SVOP: variants seen among roughly 807,000 people sequenced by gnomAD.
SVOP encodes the protein synaptic vesicle 2-related protein.
A neutral mutation model predicts 69.1 loss-of-function variants in SVOP; 17 were observed. That is an observed-to-expected ratio of 0.25 (90% CI 0.17 to 0.37). SVOP has a LOEUF of 0.37. SVOP is among the 10% of genes least tolerant of loss of function. SVOP has a pLI of 1.00. For synonymous variants in SVOP, 238 were observed against 238.6 expected (o/e 1.00, Z 0.02); for missense variants, 435 against 597.5 (o/e 0.73, Z 2.84).
At chr12:108,916,984 C>T (rs954814977) in intron 14 of SVOP, among the ~76,000 whole-genome samples, 3 of 152,168 alleles carry the variant, frequency 2.0e-5, no homozygotes, top group African/African-American at 4.8e-5. Context: ...TGAGCTCAAG[C>T]GATCCACCTG....
intron 11 of SVOP, among the ~76,000 whole-genome samples, chr12:108,930,456 T>A (rs1479472354): frequency 2.2e-4 from 21 of 95,720 alleles, no homozygotes; most frequent in African/African-American, 7.0e-4. Flanking sequence ...TTTTTTTTTT[T>A]AGAGAGAATC....
At chr12:108,973,656 C>T (rs1273540915) in intron 4 of SVOP, among the ~76,000 whole-genome samples, 2 of 152,200 alleles carry the variant, frequency 1.3e-5, no homozygotes, top group East Asian at 3.8e-4. Context: ...ACATCAGCCT[C>T]CCACAGTGCT....
intron 1 of SVOP, 71 bp downstream of exon 1, chr12:109,020,763 C>CCCG (rs1555254153): frequency 1.0e-5 from 4 of 392,448 alleles, no homozygotes; most frequent in Admixed American, 3.1e-5. Flanking sequence ...TACCCCCCCC[C>CCCG]ACCCCCCTTG....
chr12:108,943,259 T>C (rs985308737), intron 7 of SVOP, among the ~76,000 whole-genome samples: 5 of 151,974 alleles, frequency 3.3e-5, no homozygotes, highest in African/African-American at 1.2e-4. Flanking sequence ...CAATCAGAAG[T>C]GACAGAAAAA....
intron 12 of SVOP, among the ~76,000 whole-genome samples, chr12:108,921,455 G>T (rs1410368576): frequency 9.2e-5 from 14 of 152,140 alleles, no homozygotes; most frequent in Admixed American, 7.9e-4. Flanking sequence ...GAGTGGGGAA[G>T]TAAATTTGGG....
chr12:108,932,901 T>C (rs942107570), intron 11 of SVOP, among the ~76,000 whole-genome samples: 2 of 152,018 alleles, frequency 1.3e-5, no homozygotes, highest in Non-Finnish European at 2.9e-5. Context: ...GTTTTTGAAA[T>C]GGAATCTCAC....
intron 1 of SVOP, 76 bp downstream of exon 1, chr12:109,020,758 C>CCCCT: frequency 3.4e-6 from 1 of 293,768 alleles, no homozygotes. Context: ...AGATGTACCC[C>CCCCT]CCCCCACCCC....
chr12:108,943,233 C>T (rs145232642), intron 7 of SVOP, among the ~76,000 whole-genome samples: 14 of 152,104 alleles, frequency 9.2e-5, no homozygotes, highest in East Asian at 5.8e-4. Flanking sequence ...GAATCACAGT[C>T]GATTTCTGTT....
intron 1 of SVOP, among the ~76,000 whole-genome samples, chr12:109,016,396 G>A (rs1458138947): frequency 2.0e-5 from 3 of 152,202 alleles, no homozygotes; most frequent in Admixed American, 6.5e-5. Flanking sequence ...GACAGGGTTT[G>A]TAAGAAAGGA....
chr12:109,004,012 G>A (rs1198621586), intron 1 of SVOP, among the ~76,000 whole-genome samples: 1 of 152,200 alleles, frequency 6.6e-6, no homozygotes, highest in Non-Finnish European at 1.5e-5. Flanking sequence ...CAGAAATAAA[G>A]AGGGACCTTT....
intron 8 of SVOP, among the ~76,000 whole-genome samples, chr12:108,939,609 A>G (rs1214986955): frequency 6.6e-6 from 1 of 152,232 alleles, no homozygotes; most frequent in Non-Finnish European, 1.5e-5. Flanking sequence ...TACTTGCTGT[A>G]GGCCCTTTAA....
intron 9 of SVOP, 86 bp downstream of exon 9, chr12:108,938,741 G>A (rs777958737): frequency 2.2e-5 from 35 of 1,586,346 alleles, no homozygotes; most frequent in African/African-American, 4.0e-5. Flanking sequence ...ATGTGTCCTC[G>A]CATGCATGCC....
At chr12:108,996,582 C>T (rs141716353) in intron 1 of SVOP, among the ~76,000 whole-genome samples, 521 of 151,756 alleles carry the variant, frequency 3.4e-3, no homozygotes, top group African/African-American at 0.012. Flanking sequence ...GAAAGAAAAA[C>T]TTAAGTGTGG....
At position 108,909,336 on chromosome 12, in the gene SVOP, T is replaced by C. The variant is rs1294811554; in HGVS notation, c.*3199A>G. On this transcript the variant is annotated 3_prime_UTR_variant, in exon 16 of 16. Coordinates refer to ENST00000610966, the MANE Select transcript of SVOP (RefSeq NM_018711.5). ...TTTGAGACCAGCCTGACCAACATGGTGAAACCTTGTCTATACTAAAAATAC... is the reference window on the plus strand; with the variant it reads ...TTTGAGACCAGCCTGACCAACATGGCGAAACCTTGTCTATACTAAAAATAC... 1 of 152,104 alleles carries C rather than the reference T, an allele frequency of 6.6e-6. No homozygotes were observed. Among genetic ancestry groups the C allele is most frequent in the Non-Finnish European group, 1.5e-5 (1 of 68,028 alleles). The allele number at this position is 152,104 out of a possible 1,614,324, so 9.4% of individuals were successfully genotyped here.
At chr12:108,951,340 A>C (rs928434281) in intron 6 of SVOP, among the ~76,000 whole-genome samples, 11 of 152,156 alleles carry the variant, frequency 7.2e-5, no homozygotes, top group African/African-American at 2.7e-4. Flanking sequence ...GAGGTAAAAA[A>C]CACATGGGCC....
chr12:108,955,355 A>C (rs1327392765), intron 6 of SVOP, among the ~76,000 whole-genome samples: 1 of 152,200 alleles, frequency 6.6e-6, no homozygotes, highest in Non-Finnish European at 1.5e-5. Flanking sequence ...TTGTGTCTGC[A>C]GGAATTCCTG....
chr12:109,004,410 CTTTTTT>C (rs34124314), intron 1 of SVOP, among the ~76,000 whole-genome samples: 2 of 120,394 alleles, frequency 1.7e-5, no homozygotes, highest in Admixed American at 1.9e-4. Context: ...GGTATTGCTA[CTTTTTT>C]TTTTTTTTTT....
chr12:108,933,061 T>C (rs2137400176), intron 11 of SVOP, among the ~76,000 whole-genome samples: 1 of 152,160 alleles, frequency 6.6e-6, no homozygotes, highest in South Asian at 2.1e-4. Flanking sequence ...GTACTTATAG[T>C]GTAGACGGGG....
intron 6 of SVOP, among the ~76,000 whole-genome samples, chr12:108,954,996 A>G (rs1379755627): frequency 2.0e-5 from 3 of 152,210 alleles, no homozygotes; most frequent in Non-Finnish European, 4.4e-5. Flanking sequence ...CAGCCTGGGT[A>G]ACAGAGCGAG....
Sources: gnomAD v4.1 joint callset for allele counts (sites outside exome capture counted in the v4.1 genomes callset) on GRCh38, gnomAD v4.1.1 for gene constraint, MANE v1.5 for transcripts, NCBI Gene and HGNC (gene_info 2026-07-23, HGNC 2026-07-21) for gene names.